AFF3: variants seen among roughly 807,000 people sequenced by gnomAD.
The protein encoded by AFF3 is ALF transcription elongation factor 3.
A neutral mutation model predicts 129.7 loss-of-function variants in AFF3; 32 were observed. The observed-to-expected ratio is 0.25, with a 90% confidence interval of 0.19 to 0.33. The LOEUF is 0.33. Ranked by LOEUF, AFF3 falls within the 10% of genes least tolerant of loss-of-function variation. The probability of loss-of-function intolerance (pLI) is 1.00; values close to 1 mark genes in which losing one functional copy is unlikely to be tolerated. For missense variants in AFF3, 1,373 were observed against 1,592.0 expected (o/e 0.86, Z 2.34); for synonymous variants, 644 against 635.4 (o/e 1.01, Z -0.20).
intron 7 of AFF3, among the ~76,000 whole-genome samples, chr2:99,957,200 C>T (rs569958590): frequency 1.0e-4 from 15 of 150,710 alleles, no homozygotes; most frequent in South Asian, 8.3e-4. Flanking sequence ...TGTGTGCGCG[C>T]GCGCGCATTT....
Position 99,787,767 on chromosome 2 carries a change from G to C in AFF3, c.922-35466C>G, listed in dbSNP as rs6719359. 6.9e-3 allele frequency among the ~76,000 whole-genome samples: 1,054 copies of C among 152,254 alleles called. 11 individuals are homozygous for C. The highest frequency in any genetic ancestry group is 0.024 in the African/African-American group (1,011 of 41,524). ...CAAACAAACAAACAAACAACAATCCGGGAGCCTGGAGTTTGCTGAGAGGCT... is the reference window on the plus strand; with the variant it reads ...CAAACAAACAAACAAACAACAATCCCGGAGCCTGGAGTTTGCTGAGAGGCT... On this transcript the variant is annotated intron_variant, in intron 8 of 24. Transcript: ENST00000672756.
intron 8 of AFF3, among the ~76,000 whole-genome samples, chr2:99,823,007 T>C (rs1343847223): frequency 6.6e-6 from 1 of 152,172 alleles, no homozygotes; most frequent in African/African-American, 2.4e-5. Flanking sequence ...GGCAGTATCC[T>C]CCTCTTCACT....
At chr2:99,964,472 G>C (rs1027375349) in intron 7 of AFF3, among the ~76,000 whole-genome samples, 1 of 152,090 alleles carries the variant, frequency 6.6e-6, no homozygotes, top group Non-Finnish European at 1.5e-5. Flanking sequence ...ACAATCTCCA[G>C]ATACTTGAAA....
At chr2:99,565,378 T>TGG in intron 20 of AFF3, 109 bp downstream of exon 20, 2 of 1,467,448 alleles carry the variant, frequency 1.4e-6, no homozygotes, top group Non-Finnish European at 1.9e-6. Flanking sequence ...GGATGAACAC[T>TGG]GGTTCCTGGT....
At chr2:99,708,312 C>CT (rs1409020653) in intron 11 of AFF3, among the ~76,000 whole-genome samples, 1 of 152,124 alleles carries the variant, frequency 6.6e-6, no homozygotes, top group Non-Finnish European at 1.5e-5. Flanking sequence ...CTCTTGAACG[C>CT]TTTTTGTCTA....
At chr2:100,120,003 A>C (rs1267519872) in intron 2 of AFF3, among the ~76,000 whole-genome samples, 1 of 152,252 alleles carries the variant, frequency 6.6e-6, no homozygotes, top group African/African-American at 2.4e-5. Context: ...CAAACAGGTT[A>C]GCAACATCAA....
intron 3 of AFF3, chr2:100,104,862 G>C (rs1297805781): frequency 6.5e-6 from 3 of 460,192 alleles, no homozygotes; most frequent in Non-Finnish European, 8.4e-6. Context: ...TTTCTCCTCC[G>C]GGAGGCGCGT....
chr2:99,695,228 C>A (rs1257046784), intron 11 of AFF3, among the ~76,000 whole-genome samples: 1 of 152,162 alleles, frequency 6.6e-6, no homozygotes, highest in African/African-American at 2.4e-5. Context: ...TGTTTGACAG[C>A]CGCGTGTGCC....
intron 10 of AFF3, among the ~76,000 whole-genome samples, chr2:99,739,589 A>G (rs1680542218): frequency 6.6e-6 from 1 of 151,758 alleles, no homozygotes; most frequent in African/African-American, 2.4e-5. Context: ...ATCAAGTTCA[A>G]TTGATCAGTA....
chr2:100,023,126 C>T (rs1269797298), intron 4 of AFF3, among the ~76,000 whole-genome samples: 12 of 152,182 alleles, frequency 7.9e-5, no homozygotes, highest in African/African-American at 1.9e-4. Context: ...CCTGGCTCCC[C>T]GTAAGCACTC....
At chr2:99,895,320 T>C (rs1230307615) in intron 7 of AFF3, among the ~76,000 whole-genome samples, 3 of 152,374 alleles carry the variant, frequency 2.0e-5, no homozygotes, top group South Asian at 4.1e-4. Flanking sequence ...AAGAGATTTA[T>C]GTAAAAATCA....
chr2:99,894,418 G>A (rs1198447297), intron 7 of AFF3, among the ~76,000 whole-genome samples: 1 of 152,028 alleles, frequency 6.6e-6, no homozygotes, highest in African/African-American at 2.4e-5. Flanking sequence ...GCAGTGTCTG[G>A]TACTTCATCA....
chr2:99,871,931 G>C (rs1455167122), intron 7 of AFF3, among the ~76,000 whole-genome samples: 1 of 152,112 alleles, frequency 6.6e-6, no homozygotes, highest in Non-Finnish European at 1.5e-5. Context: ...AAGTGGGCCA[G>C]GTGCGGTGGC....
intron 4 of AFF3, among the ~76,000 whole-genome samples, chr2:100,040,686 C>T (rs575292968): frequency 1.1e-4 from 17 of 152,272 alleles, no homozygotes; most frequent in South Asian, 6.3e-4. Context: ...CCCCTGCTAC[C>T]GACAGGCTTG....
At chr2:99,823,348 C>T (rs1687830107) in intron 8 of AFF3, among the ~76,000 whole-genome samples, 1 of 147,602 alleles carries the variant, frequency 6.8e-6, no homozygotes, top group Non-Finnish European at 1.5e-5. Context: ...TCACAAGTTA[C>T]TGCCAGAGAA....
At chr2:99,896,906 A>C (rs1694013061) in intron 7 of AFF3, among the ~76,000 whole-genome samples, 1 of 152,014 alleles carries the variant, frequency 6.6e-6, no homozygotes, top group Non-Finnish European at 1.5e-5. Context: ...AAGTGCTGGG[A>C]TTACAGGCAT....
chr2:99,932,930 T>G (rs751138147), intron 7 of AFF3, among the ~76,000 whole-genome samples: 1 of 152,200 alleles, frequency 6.6e-6, no homozygotes, highest in Non-Finnish European at 1.5e-5. Flanking sequence ...ACAGTTTCAA[T>G]AATATGTTTT....
chr2:99,572,293 ACCC>A (rs71376487), intron 18 of AFF3, among the ~76,000 whole-genome samples: 4 of 43,242 alleles, frequency 9.3e-5, no homozygotes, highest in African/African-American at 3.9e-4. Flanking sequence ...CCCTCCCACC[ACCC>A]CCCCCCCCCC....
intron 8 of AFF3, among the ~76,000 whole-genome samples, chr2:99,794,723 CTTCTAG>C (rs1416902011): frequency 1.3e-5 from 2 of 152,138 alleles, no homozygotes; most frequent in East Asian, 3.9e-4. Context: ...CTCAGTGAGA[CTTCTAG>C]TTCTGTTTAA....
Sources: gnomAD v4.1 joint callset for allele counts (sites outside exome capture counted in the v4.1 genomes callset) on GRCh38, gnomAD v4.1.1 for gene constraint, MANE v1.5 for transcripts, NCBI Gene and HGNC (gene_info 2026-07-23, HGNC 2026-07-21) for gene names.